Variants in SLC17A8 observed in about 807,000 individuals in gnomAD.
SLC17A8 encodes vesicular glutamate transporter 3.
A neutral mutation model predicts 58.0 loss-of-function variants in SLC17A8; 31 were observed. That is an observed-to-expected ratio of 0.53 (90% CI 0.40 to 0.72). The LOEUF (loss-of-function observed/expected upper bound fraction) is 0.72. Ranked by LOEUF, SLC17A8 falls within the 30% of genes least tolerant of loss-of-function variation. The pLI is 0.00. For missense variants in SLC17A8, 655 were observed against 727.8 expected (o/e 0.90, Z 1.15); for synonymous variants, 228 against 249.0 (o/e 0.92, Z 0.79).
intron 9 of SLC17A8, chr12:100,404,443 G>C (rs576542518): frequency 3.2e-5 from 13 of 411,162 alleles, no homozygotes; most frequent in South Asian, 2.8e-4. Flanking sequence ...ATATGTTTTG[G>C]TAAGAAACAG....
chr12:100,408,080 A>G (rs1358019659), intron 9 of SLC17A8, among the ~76,000 whole-genome samples: 3 of 152,240 alleles, frequency 2.0e-5, no homozygotes, highest in Non-Finnish European at 2.9e-5. Flanking sequence ...TGATTTGGAA[A>G]TGATGAAGCA....
intron 1 of SLC17A8, among the ~76,000 whole-genome samples, chr12:100,374,086 C>G (rs1370913510): frequency 6.6e-6 from 1 of 152,104 alleles, no homozygotes; most frequent in African/African-American, 2.4e-5. Flanking sequence ...TCATGTATCT[C>G]TGTGAGATAA....
At chr12:100,386,412 C>T (rs951681306) in intron 2 of SLC17A8, among the ~76,000 whole-genome samples, 4 of 152,090 alleles carry the variant, frequency 2.6e-5, no homozygotes, top group South Asian at 2.1e-4. Context: ...ATCTCTAGAG[C>T]GTGTTCATTT....
At position 100,420,215 on chromosome 12, in the gene SLC17A8, C is replaced by G. The variant is rs1952939185; in HGVS notation, c.*56C>G. 1 of 1,430,788 alleles carries G rather than the reference C, an allele frequency of 7.0e-7. No homozygotes were observed. The highest frequency in any genetic ancestry group is 1.4e-5 in the African/African-American group (1 of 70,822). The allele number at this position is 1,430,788 out of a possible 1,614,324, so 88.6% of individuals were successfully genotyped here. On this transcript the variant is annotated 3_prime_UTR_variant, in exon 12 of 12. Transcript: ENST00000323346. ...CTTTAGAAACAGAAAGTATCCATAC[C>G]TATTGCCTTTCTTGTAGCCCAGCTT...
intron 2 of SLC17A8, among the ~76,000 whole-genome samples, chr12:100,386,004 G>A (rs971740079): frequency 6.6e-6 from 1 of 152,072 alleles, no homozygotes; most frequent in African/African-American, 2.4e-5. Context: ...ATCTTTCTGC[G>A]TGTCTCCTCT....
intron 2 of SLC17A8, among the ~76,000 whole-genome samples, chr12:100,387,660 A>G (rs1952685888): frequency 6.6e-6 from 1 of 152,176 alleles, no homozygotes; most frequent in Non-Finnish European, 1.5e-5. Flanking sequence ...AATTCTGTGG[A>G]TCTGGGCAAA....
rs938133873 is a variant in SLC17A8 at position 100,377,591 on chromosome 12, T to A, written c.102-3110T>A. Among the ~76,000 whole-genome samples, 635 of 126,188 alleles carry A rather than the reference T, an allele frequency of 5.0e-3. 4 individuals are homozygous for A. The highest frequency in any genetic ancestry group is 0.019 in the African/African-American group (513 of 27,270). The allele number at this position is 126,188 out of a possible 152,430, so 82.8% of individuals were successfully genotyped here. On this transcript the variant is annotated intron_variant, in intron 1 of 11. Coordinates refer to ENST00000323346, the MANE Select transcript of SLC17A8 (RefSeq NM_139319.3). The stretch of plus-strand genomic sequence containing the variant: ...AAGATATATATATATATATATTTTT[T>A]TTTTTTTTTTTTTTTTTGAGACGGA...
At chr12:100,392,151 C>T (rs1952721239) in intron 3 of SLC17A8, among the ~76,000 whole-genome samples, 1 of 151,904 alleles carries the variant, frequency 6.6e-6, no homozygotes, top group African/African-American at 2.4e-5. Context: ...TCCCATATGA[C>T]TTTCCATAAA....
chr12:100,391,195 C>T (rs1952713514), intron 3 of SLC17A8, 76 bp downstream of exon 3: 4 of 1,046,076 alleles, frequency 3.8e-6, no homozygotes, highest in Non-Finnish European at 6.0e-6. Flanking sequence ...ATAGCTGGCT[C>T]TCAATTTGGG....
chr12:100,416,360 G>A (rs910385215), intron 10 of SLC17A8, among the ~76,000 whole-genome samples: 2 of 152,190 alleles, frequency 1.3e-5, no homozygotes, highest in African/African-American at 4.8e-5. Context: ...TCCATGGTAA[G>A]ATTAATGAAC....
chr12:100,370,468 T>C lies in SLC17A8; in HGVS notation c.102-10233T>C, dbSNP rs182594549. Among the ~76,000 whole-genome samples the C allele has an allele frequency of 3.6e-3, 541 of 152,088 alleles. 7 individuals carry two copies. Among genetic ancestry groups the C allele is most frequent in the African/African-American group, 0.012 (514 of 41,502 alleles). ...ATGCACCACCATGTCCAGCTAATTT[T>C]GTATTTATAATAGAGATGGAGTTTT... is the stretch of plus-strand genomic sequence containing the variant. On this transcript the variant is annotated intron_variant, in intron 1 of 11. Coordinates refer to ENST00000323346, the MANE Select transcript of SLC17A8 (RefSeq NM_139319.3).
chr12:100,407,946 T>C (rs1439470780), intron 9 of SLC17A8, among the ~76,000 whole-genome samples: 1 of 152,148 alleles, frequency 6.6e-6, no homozygotes, highest in Non-Finnish European at 1.5e-5. Flanking sequence ...GTGAGTTATA[T>C]ATAGAAAATA....
chr12:100,411,648 A>G (rs1030920751), intron 9 of SLC17A8, among the ~76,000 whole-genome samples: 4 of 152,166 alleles, frequency 2.6e-5, no homozygotes, highest in Middle Eastern at 3.4e-3. Context: ...AAGGCACTCT[A>G]TATACTTGGA....
intron 1 of SLC17A8, among the ~76,000 whole-genome samples, chr12:100,371,082 A>G (rs1039992727): frequency 6.6e-6 from 1 of 152,146 alleles, no homozygotes; most frequent in Non-Finnish European, 1.5e-5. Context: ...ATAAGATCCT[A>G]TTTCAAATCT....
intron 10 of SLC17A8, among the ~76,000 whole-genome samples, chr12:100,417,614 C>T (rs1952915682): frequency 6.6e-6 from 1 of 152,164 alleles, no homozygotes; most frequent in African/African-American, 2.4e-5. Context: ...CCTTGGCTGC[C>T]TTTTAAGAGT....
chr12:100,390,048 T>C (rs1226444032), intron 2 of SLC17A8, among the ~76,000 whole-genome samples: 3 of 152,026 alleles, frequency 2.0e-5, no homozygotes, highest in East Asian at 1.9e-4. Context: ...CTCAAACTCC[T>C]GACCTCAAAT....
In SLC17A8 at chr12:100,382,373, C is replaced by T. The variant is rs185063432; in HGVS notation, c.354+1420C>T. On this transcript the variant is annotated intron_variant, in intron 2 of 11. Coordinates refer to ENST00000323346, the MANE Select transcript of SLC17A8 (RefSeq NM_139319.3). ...TTAAATAGTATTGTTTTAGGAATCA[C>T]TGGAAACATAAAATCTGGTTTGCTG... 5.9e-5 allele frequency among the ~76,000 whole-genome samples: 9 copies of T among 152,318 alleles called. No individual in the cohort carries two copies. The East Asian group carries it at 1.5e-3, about 26-fold the overall frequency.
chr12:100,385,152 GAGAA>G (rs1952664831), intron 2 of SLC17A8, among the ~76,000 whole-genome samples: 1 of 151,568 alleles, frequency 6.6e-6, no homozygotes, highest in Non-Finnish European at 1.5e-5. Flanking sequence ...GAGAGAGAGA[GAGAA>G]AGAGAAAGAG....
intron 4 of SLC17A8, 57 bp downstream of exon 4, chr12:100,393,540 GA>G: frequency 7.8e-7 from 1 of 1,280,398 alleles, no homozygotes. Flanking sequence ...CAGTCCTTTA[GA>G]AAATTCACCT....
Sources: gnomAD v4.1 joint callset for allele counts (sites outside exome capture counted in the v4.1 genomes callset) on GRCh38, gnomAD v4.1.1 for gene constraint, MANE v1.5 for transcripts, NCBI Gene and HGNC (gene_info 2026-07-23, HGNC 2026-07-21) for gene names.